TMEM117: variants seen among roughly 807,000 people sequenced by gnomAD.
TMEM117 encodes the protein transmembrane protein 117.
TMEM117 carries 27 observed loss-of-function variants against 52.4 expected under a neutral mutation model. The observed-to-expected ratio is 0.51, with a 90% confidence interval of 0.38 to 0.71. The LOEUF (loss-of-function observed/expected upper bound fraction) is 0.71, where lower values mean the gene tolerates loss of function less well. TMEM117 is among the 30% of genes least tolerant of loss of function. TMEM117 has a pLI of 0.00. For synonymous variants in TMEM117, 215 were observed against 206.3 expected (o/e 1.04, Z -0.36); for missense variants, 556 against 630.5 (o/e 0.88, Z 1.26).
intron 3 of TMEM117, among the ~76,000 whole-genome samples, chr12:44,054,289 A>C (rs1369137060): frequency 6.6e-6 from 1 of 152,214 alleles, no homozygotes; most frequent in Non-Finnish European, 1.5e-5. Flanking sequence ...GTAATTTCTA[A>C]ATTTTCAGAA....
chr12:44,352,123 T>A (rs1951570689), intron 6 of TMEM117, among the ~76,000 whole-genome samples: 1 of 151,938 alleles, frequency 6.6e-6, no homozygotes, highest in South Asian at 2.1e-4. Context: ...GTAAAAGCTG[T>A]AAAAAGCTAA....
At chr12:43,923,509 C>G (rs760367821) in intron 2 of TMEM117, among the ~76,000 whole-genome samples, 22 of 152,242 alleles carry the variant, frequency 1.4e-4, no homozygotes, top group Middle Eastern at 3.4e-3. Context: ...TAGTGTGTTA[C>G]AATGAGTCAG....
intron 5 of TMEM117, among the ~76,000 whole-genome samples, chr12:44,258,072 A>G (rs1247989842): frequency 6.6e-6 from 1 of 152,090 alleles, no homozygotes; most frequent in East Asian, 1.9e-4. Context: ...TTCATAATAG[A>G]GATTTAATTA....
chr12:43,905,954 A>G (rs1389022908), intron 2 of TMEM117, among the ~76,000 whole-genome samples: 1 of 152,186 alleles, frequency 6.6e-6, no homozygotes, highest in Non-Finnish European at 1.5e-5. Context: ...GTTTATTTGT[A>G]TGTTTTGGTT....
At chr12:43,805,836 T>A in the TMEM117 span, 1 of 1,393,812 alleles carries the variant, frequency 7.2e-7, no homozygotes, top group Non-Finnish European at 9.5e-7. Flanking sequence ...CTCGCCTGGT[T>A]CTCGACAGCG....
At chr12:43,922,521 A>G (rs1251427318) in intron 2 of TMEM117, among the ~76,000 whole-genome samples, 2 of 152,096 alleles carry the variant, frequency 1.3e-5, no homozygotes, top group East Asian at 1.9e-4. Context: ...GTAAATTTGG[A>G]TTTTATGTTA....
intron 6 of TMEM117, among the ~76,000 whole-genome samples, chr12:44,366,035 T>G (rs961269673): frequency 1.4e-4 from 21 of 152,120 alleles, no homozygotes; most frequent in African/African-American, 5.1e-4. Context: ...TTTATCAATG[T>G]TATTTTATAT....
chr12:44,369,812 T>C (rs761382589), intron 6 of TMEM117, among the ~76,000 whole-genome samples: 68 of 152,320 alleles, frequency 4.5e-4, no homozygotes, highest in Non-Finnish European at 6.5e-4. Context: ...TTTTAAATTC[T>C]TTAAATAGCA....
chr12:43,982,874 C>T (rs1945783462), intron 3 of TMEM117, among the ~76,000 whole-genome samples: 1 of 152,130 alleles, frequency 6.6e-6, no homozygotes, highest in Admixed American at 6.5e-5. Flanking sequence ...TATTTTGACC[C>T]CTTCCATATG....
chr12:44,302,303 G>GC (rs1950850768), intron 6 of TMEM117, among the ~76,000 whole-genome samples: 1 of 152,158 alleles, frequency 6.6e-6, no homozygotes, highest in African/African-American at 2.4e-5. Flanking sequence ...CTCTCTGAGT[G>GC]CCCTCCATGG....
intron 2 of TMEM117, among the ~76,000 whole-genome samples, chr12:43,884,146 A>G (rs1045231300): frequency 9.2e-5 from 14 of 151,786 alleles, no homozygotes; most frequent in Non-Finnish European, 1.9e-4. Flanking sequence ...AAAAAAAAAA[A>G]AAAGAAAGAA....
intron 4 of TMEM117, among the ~76,000 whole-genome samples, chr12:44,181,410 A>G (rs1212980326): frequency 6.6e-6 from 1 of 151,824 alleles, no homozygotes; most frequent in Non-Finnish European, 1.5e-5. Context: ...TTGGTGTTTT[A>G]GACATGAAGT....
At chr12:44,032,810 A>G (rs952142808) in intron 3 of TMEM117, among the ~76,000 whole-genome samples, 1 of 152,148 alleles carries the variant, frequency 6.6e-6, no homozygotes, top group Admixed American at 6.5e-5. Context: ...AGGTAGGAAT[A>G]TCATTGCCCC....
At chr12:43,864,928 A>G (rs2137408412) in intron 2 of TMEM117, among the ~76,000 whole-genome samples, 1 of 152,232 alleles carries the variant, frequency 6.6e-6, no homozygotes, top group Non-Finnish European at 1.5e-5. Flanking sequence ...TCCTGAAGCC[A>G]ACAAGACCGC....
intron 2 of TMEM117, among the ~76,000 whole-genome samples, chr12:43,907,497 A>G (rs1190682574): frequency 6.6e-6 from 1 of 151,652 alleles, no homozygotes; most frequent in Non-Finnish European, 1.5e-5. Flanking sequence ...CTGGACGGAG[A>G]ATGACTTTGA....
intron 2 of TMEM117, among the ~76,000 whole-genome samples, chr12:43,845,460 CAAA>C (rs10677136): frequency 7.9e-5 from 3 of 37,992 alleles, no homozygotes; most frequent in Non-Finnish European, 1.6e-4. Context: ...GACTCCATCT[CAAA>C]AAAAAAAAAA....
chr12:44,152,178 AT>A (rs1328315388), intron 4 of TMEM117, among the ~76,000 whole-genome samples: 1 of 109,974 alleles, frequency 9.1e-6, no homozygotes, highest in Non-Finnish European at 1.6e-5. Flanking sequence ...ATAAAATTAT[AT>A]TTATAAAATA....
intron 6 of TMEM117, among the ~76,000 whole-genome samples, chr12:44,337,779 G>C (rs1951360930): frequency 1.3e-5 from 2 of 152,078 alleles, no homozygotes; most frequent in Non-Finnish European, 2.9e-5. Flanking sequence ...ATCATAGTCA[G>C]TAGTTCAAAG....
At chr12:44,289,903 C>T (rs1323564611) in intron 5 of TMEM117, among the ~76,000 whole-genome samples, 1 of 152,074 alleles carries the variant, frequency 6.6e-6, no homozygotes, top group Non-Finnish European at 1.5e-5. Flanking sequence ...TTGATAATAA[C>T]CATTCTAACA....
Sources: allele counts gnomAD v4.1 joint callset (sites outside exome capture counted in the v4.1 genomes callset), GRCh38; gene constraint gnomAD v4.1.1; transcripts MANE v1.5; gene names NCBI Gene and HGNC (gene_info 2026-07-23, HGNC 2026-07-21).